Variants in QRICH2 observed in about 807,000 individuals in gnomAD.
QRICH2 encodes glutamine rich 2.
QRICH2 carries 119 observed loss-of-function variants against 168.3 expected under a neutral mutation model. The ratio of observed to expected loss-of-function variants is 0.71; its 90% CI spans 0.61 to 0.82. QRICH2 has a LOEUF of 0.82. QRICH2 is among the 40% of genes least tolerant of loss of function. QRICH2 has a pLI of 0.00. For missense variants in QRICH2, 2,241 were observed against 2,491.6 expected (o/e 0.90, Z 2.14); for synonymous variants, 894 against 951.2 (o/e 0.94, Z 1.11).
rs998603508 is a variant in QRICH2, at chr17:76,280,589, C to A, written c.4461+65G>T. 3.1e-6 allele frequency: 5 copies of A among 1,605,116 alleles called. No homozygotes were observed. In the African/African-American group the frequency reaches 6.7e-5, roughly 21 times the overall value. Reference sequence around the variant, plus strand: ...TCTCGCCAGCTCCCCTCCACTCAGTCTCTCAAAGAACAGTCAGCGAGACCG... The same window carrying A: ...TCTCGCCAGCTCCCCTCCACTCAGTATCTCAAAGAACAGTCAGCGAGACCG... On this transcript the variant is annotated intron_variant, in intron 10 of 18. Transcript: ENST00000680821. The surrounding 1 kb of genome is among the most constrained non-coding windows in gnomAD (Gnocchi z 7.4).
At position 76,280,614 on chromosome 17, in the gene QRICH2, G is replaced by A. The variant is rs761595297; in HGVS notation, c.4461+40C>T. 4.3e-5 allele frequency: 70 copies of A among 1,610,494 alleles called. No homozygotes were observed. Among genetic ancestry groups the A allele is most frequent in the Non-Finnish European group, 5.4e-5 (64 of 1,176,954 alleles). On this transcript the variant is annotated intron_variant, in intron 10 of 18. Transcript: ENST00000680821. The surrounding 1 kb of genome is among the most constrained non-coding windows in gnomAD (Gnocchi z 7.4). ...CTCTCAAAGAACAGTCAGCGAGACC[G>A]CCCTGGGACACAGCGTGGCTCCTGG...
rs753769304 is a variant in QRICH2 at position 76,292,420 on chromosome 17, A to G, written c.2307T>C (p.His769=). ...GATCCACTCCAGGTTGGACCAAACCATGCTGATCTGCACCAGGTTGGACCA... is the reference window on the plus strand; with the variant it reads ...GATCCACTCCAGGTTGGACCAAACCGTGCTGATCTGCACCAGGTTGGACCA... ...RGLVQPGADQ[H]GLVQPGVDQH... The change falls in exon 4 of 19, where the codon CAT becomes CAC. Residue 769 remains histidine, a synonymous_variant. Coordinates refer to ENST00000680821, the MANE Select transcript of QRICH2 (RefSeq NM_001388453.1). The G allele has an allele frequency of 8.7e-6, 14 of 1,611,516 alleles. No homozygotes were observed. The highest frequency in any genetic ancestry group is 6.7e-5 in the Admixed American group (4 of 59,884).
intron 18 of QRICH2, among the ~76,000 whole-genome samples, chr17:76,275,095 G>A (rs2070650051): frequency 1.3e-5 from 2 of 152,132 alleles, no homozygotes. Context: ...TGGAGGCTCT[G>A]GTTGGGGAGG....
intron 1 of QRICH2, among the ~76,000 whole-genome samples, chr17:76,306,654 A>G (rs1366049724): frequency 6.6e-6 from 1 of 152,208 alleles, no homozygotes; most frequent in Non-Finnish European, 1.5e-5. Context: ...TGGGAGGCCG[A>G]GGCGGGCAGA....
chr17:76,301,473 C>T, intron 3 of QRICH2: 2 of 231,844 alleles, frequency 8.6e-6, no homozygotes, highest in African/African-American at 2.4e-5. Context: ...GAGGCTGAGG[C>T]AGGAGGATTG....
Position 76,293,915 on chromosome 17 carries a change from T to A in QRICH2, c.812A>T (p.Gln271Leu), listed in dbSNP as rs2071062204. ...AAGACCACTGGCAGAATCCAGAGCC[T>A]GCTCAATACTTGGTTGCTTGGTAGA... is the stretch of plus-strand genomic sequence containing the variant. ...GDSTKQPSIE[Q>L]ALDSASGLGP... The change falls in exon 4 of 19, where the codon CAG becomes CTG. Residue 271 changes from glutamine (Q) to leucine (L), a missense_variant. Physicochemically the swap from Gln to Leu is moderately radical, Grantham distance 113. Transcript: ENST00000680821. 1 of 1,614,058 alleles carries A rather than the reference T, an allele frequency of 6.2e-7. No individual in the cohort carries two copies. Among genetic ancestry groups the A allele is most frequent in the African/African-American group, 1.3e-5 (1 of 74,922 alleles).
At chr17:76,294,153 G>T in intron 3 of QRICH2, 132 bp from the exon 4 acceptor site, 3 of 1,180,864 alleles carry the variant, frequency 2.5e-6, no homozygotes, top group Non-Finnish European at 3.5e-6. Context: ...GGTCCTAAAA[G>T]CTAAGCTTGA....
At chr17:76,276,403 G>A (rs2070680243) in intron 17 of QRICH2, among the ~76,000 whole-genome samples, 1 of 152,342 alleles carries the variant, frequency 6.6e-6, no homozygotes, top group Admixed American at 6.5e-5. Context: ...CATGGACAGA[G>A]GCCAAGACAG....
At chr17:76,285,899 G>A (rs768772078) in intron 7 of QRICH2, among the ~76,000 whole-genome samples, 18 of 151,758 alleles carry the variant, frequency 1.2e-4, no homozygotes, top group Non-Finnish European at 1.6e-4. Flanking sequence ...ATGGCCAGGT[G>A]CGGTGGCTCA....
chr17:76,284,820 G>GA (rs1182898484), intron 7 of QRICH2, among the ~76,000 whole-genome samples: 64 of 118,710 alleles, frequency 5.4e-4, no homozygotes, highest in African/African-American at 6.2e-4. Context: ...CCGTCTCAAA[G>GA]AAAAAAAAAA....
At position 76,280,248 on chromosome 17, in the gene QRICH2, G is replaced by A. The variant is rs2070762446; in HGVS notation, c.4626+39C>T. 6.2e-7 allele frequency: 1 copy of A among 1,611,698 alleles called. No homozygotes were observed. Among genetic ancestry groups the A allele is most frequent in the Admixed American group, 1.7e-5 (1 of 59,884 alleles). On this transcript the variant is annotated intron_variant, in intron 11 of 18. Transcript: ENST00000680821. This position sits in a 1 kb window ranked among gnomAD's most constrained non-coding sequence, Gnocchi z 7.4. ...GGTGCTGTCCCGATCCTGGGGGCAA[G>A]GCTGTGGGATGGAGAGCCCCGCCAT...
Position 76,307,749 on chromosome 17 carries a change from G to GC in QRICH2, c.249dup (p.Pro84AlafsTer58). ...CCCACGCCCCTGCGCTTCTCCCGGG[G>GC]CGCCCCCTTGGGCACCTCCTTGGGC... On this transcript the variant is annotated frameshift_variant, in exon 1 of 19. Coordinates refer to ENST00000680821, the MANE Select transcript of QRICH2 (RefSeq NM_001388453.1). LOFTEE classifies it high-confidence loss of function. This position sits in a 1 kb window ranked among gnomAD's most constrained non-coding sequence, Gnocchi z 5.3. The GC allele has an allele frequency of 7.2e-7, 1 of 1,380,952 alleles. No homozygotes were observed. Among genetic ancestry groups the GC allele is most frequent in the Non-Finnish European group, 9.3e-7 (1 of 1,071,166 alleles). 85.5% of individuals were successfully genotyped at this position (1,380,952 alleles called of 1,614,324 possible).
rs2071019089 is a variant in QRICH2 at position 76,308,061 on chromosome 17, C to T, written c.-63G>A. 1.5e-5 allele frequency: 18 copies of T among 1,230,134 alleles called. No homozygotes were observed. Among genetic ancestry groups the T allele is most frequent in the Non-Finnish European group, 1.7e-5 (17 of 986,884 alleles). 76.2% of individuals were successfully genotyped at this position (1,230,134 alleles called of 1,614,324 possible). A position where few individuals can be genotyped will look rare whatever the true frequency, so the allele number is the denominator to read the frequency against. On this transcript the variant is annotated 5_prime_UTR_variant, in exon 1 of 19. In the 5' UTR this introduces an upstream ATG that the reference lacks. Coordinates refer to ENST00000680821, the MANE Select transcript of QRICH2 (RefSeq NM_001388453.1). ...GGCCAACCACTTCCCGCTCACTGCA[C>T]GCCGCGCCTTGGGGCCTTTCGGGGG...
At chr17:76,287,152 G>C (rs1395424630) in intron 7 of QRICH2, 40 bp downstream of exon 7, 1 of 1,433,394 alleles carries the variant, frequency 7.0e-7, no homozygotes, top group East Asian at 2.3e-5. Context: ...CTCTGAGAAG[G>C]GCCCTTGGTC....
intron 7 of QRICH2, among the ~76,000 whole-genome samples, chr17:76,283,643 G>A (rs1436345651): frequency 6.9e-6 from 1 of 145,404 alleles, no homozygotes; most frequent in East Asian, 1.9e-4. Flanking sequence ...GGAGGCCAAG[G>A]TGGGTGGATC....
In QRICH2 at chr17:76,278,028, A is replaced by G; in HGVS notation, c.5078T>C (p.Leu1693Pro). Residue 1693 changes from leucine to proline, a missense_variant, in exon 15 of 19, where the codon CTG becomes CCG. Physicochemically the swap from Leu to Pro is moderately conservative, Grantham distance 98. Coordinates refer to ENST00000680821, the MANE Select transcript of QRICH2 (RefSeq NM_001388453.1). Reference sequence around the variant, plus strand: ...GGAGCCCAGGCACTGGGCGTGCAGCAGCTCGCGGATTATCTGGCTGCTGGC... The same window carrying G: ...GGAGCCCAGGCACTGGGCGTGCAGCGGCTCGCGGATTATCTGGCTGCTGGC... ...TKASSQIIRE[L>P]LHAQCLGSPC... is the part of the protein sequence containing the mutation. The G allele has an allele frequency of 6.2e-7, 1 of 1,613,586 alleles. No individual in the cohort carries two copies. The highest frequency in any genetic ancestry group is 2.2e-5 in the East Asian group (1 of 44,892).
Position 76,280,825 on chromosome 17 carries a change from G to A in QRICH2, c.4386+6C>T, listed in dbSNP as rs758992728. The A allele has an allele frequency of 1.3e-4, 202 of 1,613,770 alleles. 2 individuals carry two copies. The Admixed American group carries it at 2.9e-3, about 23-fold the overall frequency. On this transcript the variant is annotated splice_donor_region_variant and intron_variant, in intron 9 of 18. Coordinates refer to ENST00000680821, the MANE Select transcript of QRICH2 (RefSeq NM_001388453.1). This position sits in a 1 kb window ranked among gnomAD's most constrained non-coding sequence, Gnocchi z 7.4. ...GCCCCATCCCAGCCACCCTGCGGCC[G>A]CTCACAGCAATGTCCTTCTGTTTCT...
At chr17:76,308,282 GT>G (rs2071022462), upstream of QRICH2, 1 of 985,266 alleles carries the variant, frequency 1.0e-6, no homozygotes, top group South Asian at 4.7e-5. Context: ...CGTTTGAAAC[GT>G]GGGGGCCCCC....
intron 3 of QRICH2, among the ~76,000 whole-genome samples, chr17:76,303,559 G>A (rs928065540): frequency 6.6e-6 from 1 of 152,134 alleles, no homozygotes; most frequent in Non-Finnish European, 1.5e-5. Flanking sequence ...ACAGACAGAT[G>A]CATGCCTGTG....
Sources: gnomAD v4.1 joint callset for allele counts (sites outside exome capture counted in the v4.1 genomes callset) on GRCh38, gnomAD v4.1.1 for gene constraint, Gnocchi (gnomAD v3.1) non-coding constraint, MANE v1.5 for transcripts, NCBI Gene and HGNC (gene_info 2026-07-23, HGNC 2026-07-21) for gene names.